IQCK: variants seen among roughly 807,000 people sequenced by gnomAD.
The protein encoded by IQCK is IQ domain-containing protein K.
IQCK carries 29 observed loss-of-function variants against 28.1 expected under a neutral mutation model. The observed-to-expected ratio is 1.03, with a 90% CI of 0.77 to 1.41. The LOEUF (loss-of-function observed/expected upper bound fraction) is 1.41, where lower values mean the gene tolerates loss of function less well. Ranked by LOEUF, IQCK falls within the 40% of genes most tolerant of loss-of-function variation. The pLI, the probability that IQCK is intolerant of heterozygous loss-of-function variation, is 0.00. For missense variants in IQCK, 359 were observed against 314.7 expected (o/e 1.14, Z -1.07); for synonymous variants, 113 against 115.1 (o/e 0.98, Z 0.12).
intron 4 of IQCK, among the ~76,000 whole-genome samples, chr16:19,737,659 C>T (rs2054776259): frequency 6.6e-6 from 1 of 152,102 alleles, no homozygotes; most frequent in South Asian, 2.1e-4. Context: ...AGTCACTAGC[C>T]CTCAGCCTAG....
At chr16:19,852,704 G>GCTCCGCCTCCTGGGTTCACGCCATT (rs1310603970) in intron 9 of IQCK, among the ~76,000 whole-genome samples, 6 of 147,352 alleles carry the variant, frequency 4.1e-5, no homozygotes, top group Non-Finnish European at 8.9e-5. Context: ...CTTACTGCAA[G>GCTCCGCCTCCTGGGTTCACGCCATT]CTCCGCCTCC....
At chr16:19,740,077 T>G (rs1300832219) in intron 4 of IQCK, among the ~76,000 whole-genome samples, 4 of 152,204 alleles carry the variant, frequency 2.6e-5, no homozygotes. Flanking sequence ...TCCTAGTAAA[T>G]GGGAGTTGGA....
At chr16:19,842,980 C>G (rs2056378185) in intron 9 of IQCK, among the ~76,000 whole-genome samples, 1 of 152,072 alleles carries the variant, frequency 6.6e-6, no homozygotes, top group South Asian at 2.1e-4. Flanking sequence ...TAGAGCATAT[C>G]TGACTCTTGC....
At chr16:19,719,449 G>A (rs1158630353) in intron 1 of IQCK, among the ~76,000 whole-genome samples, 1 of 151,684 alleles carries the variant, frequency 6.6e-6, no homozygotes, top group East Asian at 2.0e-4. Flanking sequence ...AAATTATCTG[G>A]GCGTGGTGGT....
At chr16:19,801,580 C>A (rs2055761193) in intron 7 of IQCK, among the ~76,000 whole-genome samples, 1 of 147,898 alleles carries the variant, frequency 6.8e-6, no homozygotes, top group African/African-American at 2.7e-5. Context: ...GCTGGGATTC[C>A]AGACATGAGC....
chr16:19,828,625 C>T (rs1429061140), downstream of IQCK, among the ~76,000 whole-genome samples: 1 of 150,960 alleles, frequency 6.6e-6, no homozygotes, highest in Non-Finnish European at 1.5e-5. Flanking sequence ...TAATGTAATC[C>T]TAGGACTTCG....
At chr16:19,821,902 T>G (rs1301406002) in intron 7 of IQCK, among the ~76,000 whole-genome samples, 1 of 151,654 alleles carries the variant, frequency 6.6e-6, no homozygotes, top group Non-Finnish European at 1.5e-5. Flanking sequence ...AGTGAAACTT[T>G]GTCTCTACAA....
intron 6 of IQCK, among the ~76,000 whole-genome samples, chr16:19,766,696 C>A (rs191134028): frequency 0.023 from 3,507 of 152,274 alleles, 115 homozygotes; most frequent in African/African-American, 0.08. Context: ...CAGTAGCACC[C>A]TCCTACAGTT....
intron 9 of IQCK, among the ~76,000 whole-genome samples, chr16:19,841,043 G>A (rs2056357713): frequency 2.0e-5 from 3 of 152,222 alleles, no homozygotes; most frequent in Admixed American, 2.0e-4. Context: ...AATTTAGGAT[G>A]TGAACAGCTA....
intron 4 of IQCK, among the ~76,000 whole-genome samples, chr16:19,755,243 T>G (rs1431656574): frequency 6.6e-6 from 1 of 152,226 alleles, no homozygotes; most frequent in East Asian, 1.9e-4. Context: ...TGCTGTTCTT[T>G]GTCCCTATTT....
At chr16:19,745,188 A>T (rs911751536) in intron 4 of IQCK, among the ~76,000 whole-genome samples, 1 of 152,194 alleles carries the variant, frequency 6.6e-6, no homozygotes, top group African/African-American at 2.4e-5. Flanking sequence ...ACCCTGCTGC[A>T]TCGTCTAGGT....
chr16:19,858,200 A>C, exon 10 of IQCK: 1 of 308,518 alleles, frequency 3.2e-6, no homozygotes, highest in Admixed American at 5.0e-5. Context: ...GAAAAAGAAC[A>C]GCTCTCTCCC....
At chr16:19,813,704 A>G (rs895486292) in intron 7 of IQCK, among the ~76,000 whole-genome samples, 1 of 152,192 alleles carries the variant, frequency 6.6e-6, no homozygotes, top group Non-Finnish European at 1.5e-5. Context: ...ACAATGGTGA[A>G]TGAGGAAGCT....
rs139636817 is a variant in IQCK, at chr16:19,785,635, G to A, written c.606-3203G>A. Among the ~76,000 whole-genome samples the A allele has an allele frequency of 3.3e-3, 501 of 152,186 alleles. 13 individuals are homozygous for A. The Middle Eastern group carries it at 0.034, about 10-fold the overall frequency. ...TTTGTTTGCATAGAAGTCTTTGTTT[G>A]CATAACTTTATAACTTCACTTCAGC... On this transcript the variant is annotated intron_variant, in intron 6 of 7. Transcript: ENST00000564186.
chr16:19,720,951 G>A (rs1312669683), intron 1 of IQCK, among the ~76,000 whole-genome samples: 1 of 151,758 alleles, frequency 6.6e-6, no homozygotes, highest in Non-Finnish European at 1.5e-5. Context: ...GGCGGAGGTT[G>A]CAATGACCTG....
At chr16:19,815,326 G>A (rs951398438) in intron 7 of IQCK, among the ~76,000 whole-genome samples, 4 of 152,008 alleles carry the variant, frequency 2.6e-5, no homozygotes, top group Non-Finnish European at 4.4e-5. Flanking sequence ...ACAATACCAG[G>A]GAATAGGTGA....
chr16:19,805,085 T>TA (rs1415825805), intron 7 of IQCK, among the ~76,000 whole-genome samples: 1 of 152,066 alleles, frequency 6.6e-6, no homozygotes, highest in Non-Finnish European at 1.5e-5. Flanking sequence ...GTGAGCTCAT[T>TA]AGCCCTGTCT....
intron 9 of IQCK, among the ~76,000 whole-genome samples, chr16:19,855,704 G>T (rs1212974978): frequency 1.3e-5 from 2 of 152,150 alleles, no homozygotes; most frequent in South Asian, 2.1e-4. Context: ...TGAAACCTCA[G>T]CCCTACATAG....
intron 7 of IQCK, among the ~76,000 whole-genome samples, chr16:19,811,320 C>T (rs1414527314): frequency 6.6e-6 from 1 of 152,186 alleles, no homozygotes; most frequent in Non-Finnish European, 1.5e-5. Context: ...GCATAGCAAA[C>T]TTTGCTGTAG....
Sources: allele counts gnomAD v4.1 joint callset (sites outside exome capture counted in the v4.1 genomes callset), GRCh38; gene constraint gnomAD v4.1.1; transcripts MANE v1.5; gene names NCBI Gene and HGNC (gene_info 2026-07-23, HGNC 2026-07-21).